IRF2: variants seen among roughly 807,000 people sequenced by gnomAD.
IRF2 encodes the protein interferon regulatory factor 2.
A neutral mutation model predicts 40.6 loss-of-function variants in IRF2; 15 were observed. That is an observed-to-expected ratio of 0.37 (90% confidence interval 0.25 to 0.57). IRF2 has a LOEUF of 0.57. Ranked by LOEUF, IRF2 falls within the 20% of genes least tolerant of loss-of-function variation. The probability of loss-of-function intolerance (pLI) is 0.77; values close to 1 mark genes in which losing one functional copy is unlikely to be tolerated. For missense variants in IRF2, 317 were observed against 455.7 expected, an observed-to-expected ratio of 0.70 and a Z score of 2.77; for synonymous variants, 151 against 165.5, an observed-to-expected ratio of 0.91 and a Z score of 0.67.
intron 6 of IRF2, among the ~76,000 whole-genome samples, chr4:184,402,833 T>C (rs890801609): frequency 5.3e-5 from 8 of 152,166 alleles, no homozygotes; most frequent in Admixed American, 5.2e-4. Context: ...AAATGTTCTG[T>C]CTTGACTATG....
intron 2 of IRF2, among the ~76,000 whole-genome samples, chr4:184,428,480 T>C (rs969105939): frequency 6.6e-6 from 1 of 152,204 alleles, no homozygotes; most frequent in African/African-American, 2.4e-5. Flanking sequence ...GACTCCAGGC[T>C]GAGGCTACAG....
intron 1 of IRF2, among the ~76,000 whole-genome samples, chr4:184,458,713 G>A (rs1220099439): frequency 6.6e-6 from 1 of 152,092 alleles, no homozygotes; most frequent in African/African-American, 2.4e-5. Context: ...ATCCACACAT[G>A]ACCTTGCCAG....
chr4:184,445,196 C>T (rs577797015), intron 1 of IRF2, among the ~76,000 whole-genome samples: 17 of 152,150 alleles, frequency 1.1e-4, no homozygotes, highest in Non-Finnish European at 2.1e-4. Context: ...CTCTGGGGGG[C>T]GGGGGTGTGC....
chr4:184,461,728 G>T (rs1394080290), intron 1 of IRF2, among the ~76,000 whole-genome samples: 1 of 103,254 alleles, frequency 9.7e-6, no homozygotes, highest in Admixed American at 1.5e-4. Context: ...CTCCCAAACT[G>T]CGAGGACTTT....
chr4:184,406,298 T>A (rs6852485), intron 6 of IRF2, among the ~76,000 whole-genome samples: 42,237 of 150,752 alleles, frequency 0.28, 6,739 homozygotes, highest in South Asian at 0.42. Flanking sequence ...GGTGCCATCT[T>A]GGCTCACTGC....
chr4:184,395,410 C>T (rs555589074), intron 7 of IRF2, among the ~76,000 whole-genome samples: 411 of 4,170 alleles, frequency 0.099, 4 homozygotes, highest in African/African-American at 0.18. Flanking sequence ...GAGACTCCGT[C>T]TCAAAAAAAA....
intron 1 of IRF2, among the ~76,000 whole-genome samples, chr4:184,470,639 G>C (rs1283806616): frequency 1.4e-5 from 2 of 144,228 alleles, no homozygotes; most frequent in Admixed American, 7.4e-5. Context: ...GCGGTGAGCT[G>C]AAAGTGTGCC....
In IRF2 at chr4:184,418,704, C is replaced by T; in HGVS notation, c.192G>A (p.Lys64=). Reference sequence around the variant, plus strand: ...CAGGTTTATCTACTCCTGGTTGATGCTTTCCTAACAAAAGAGACAAAGATT... The same window carrying T: ...CAGGTTTATCTACTCCTGGTTGATGTTTTCCTAACAAAAGAGACAAAGATT... ...LFRNWAIHTG[K]HQPGVDKPDP... Residue 64 remains lysine, a synonymous_variant, in exon 4 of 9, where the codon AAG becomes AAA. Coordinates refer to ENST00000393593, the MANE Select transcript of IRF2 (RefSeq NM_002199.4). 1.9e-6 allele frequency: 3 copies of T among 1,612,224 alleles called. No individual in the cohort carries two copies. The highest frequency in any genetic ancestry group is 2.5e-6 in the Non-Finnish European group (3 of 1,178,878).
intron 2 of IRF2, 166 bp downstream of exon 2, chr4:184,428,812 G>T: frequency 1.5e-6 from 1 of 655,586 alleles, no homozygotes. Flanking sequence ...AAGAAAAAAA[G>T]CCTTTGAGAT....
chr4:184,459,798 C>T (rs946515540), intron 1 of IRF2, among the ~76,000 whole-genome samples: 3 of 152,174 alleles, frequency 2.0e-5, no homozygotes, highest in African/African-American at 4.8e-5. Flanking sequence ...TCAAAACCAT[C>T]GTGAGCTACC....
chr4:184,445,215 C>T (rs1378481497), intron 1 of IRF2, among the ~76,000 whole-genome samples: 3 of 152,200 alleles, frequency 2.0e-5, no homozygotes, highest in African/African-American at 4.8e-5. Flanking sequence ...GCCCCAACCC[C>T]GGGTTGGCAC....
intron 1 of IRF2, among the ~76,000 whole-genome samples, chr4:184,439,861 CCTGT>C (rs1476506373): frequency 2.6e-5 from 4 of 152,172 alleles, no homozygotes; most frequent in Non-Finnish European, 4.4e-5. Flanking sequence ...ACAAAAGTCA[CCTGT>C]CTATCACTGG....
At position 184,418,205 on chromosome 4, in the gene IRF2, G is replaced by T. The variant is rs1261729441; in HGVS notation, c.373C>A (p.Pro125Thr). The change falls in exon 5 of 9, where the codon CCA becomes ACA. Residue 125 changes from proline (P) to threonine (T), a missense_variant. Pro to Thr is a conservative substitution (Grantham distance 38). Around this residue, in one of 2 missense-constraint regions of IRF2, gnomAD observed 262 missense variants for 334.0 expected, o/e 0.78. Transcript: ENST00000393593. ...ACTTTGTCTTCTTTTTCTGTCTTTG[G>T]TTTCTTTCCTGTGGCAACAAAAATG... Reference protein sequence around the residue: ...SERPSKKGKKPKTEKEDKVKH... With the variant: ...SERPSKKGKKTKTEKEDKVKH... 6.2e-7 allele frequency: 1 copy of T among 1,613,424 alleles called. No individual in the cohort carries two copies. Among genetic ancestry groups the T allele is most frequent in the Admixed American group, 1.7e-5 (1 of 60,018 alleles).
chr4:184,407,067 AAC>A (rs1239796403), intron 6 of IRF2: 2 of 542,856 alleles, frequency 3.7e-6, no homozygotes, highest in Non-Finnish European at 6.1e-6. Flanking sequence ...TTTATCAAGA[AAC>A]ACAACAGGGT....
At chr4:184,423,903 T>C (rs1737571140) in intron 2 of IRF2, among the ~76,000 whole-genome samples, 1 of 152,242 alleles carries the variant, frequency 6.6e-6, no homozygotes, top group Admixed American at 6.5e-5. Flanking sequence ...TATTTGGGAA[T>C]ACTCAAGGCA....
chr4:184,460,680 T>TGCACAC (rs1739108966), intron 1 of IRF2, among the ~76,000 whole-genome samples: 1 of 103,340 alleles, frequency 9.7e-6, no homozygotes, highest in African/African-American at 3.1e-5. Flanking sequence ...CACACACACA[T>TGCACAC]GCACGCACAC....
Position 184,388,574 on chromosome 4 carries a change from G to A in IRF2, c.*184C>T. The A allele has an allele frequency of 1.7e-6, 1 of 605,492 alleles. No homozygotes were observed. Among genetic ancestry groups the A allele is most frequent in the Middle Eastern group, 4.5e-4 (1 of 2,246 alleles). The allele number at this position is 605,492 out of a possible 1,614,324, so 37.5% of individuals were successfully genotyped here. On this transcript the variant is annotated 3_prime_UTR_variant, in exon 9 of 9. Coordinates refer to ENST00000393593, the MANE Select transcript of IRF2 (RefSeq NM_002199.4). This position sits in a 1 kb window ranked among gnomAD's most constrained non-coding sequence, Gnocchi z 4.6. Reference sequence around the variant, plus strand: ...TCTAGAAACACACGTCTACCAATGGGCTGGAGTCCTGAGTTAAAGAGAAGC... The same window carrying A: ...TCTAGAAACACACGTCTACCAATGGACTGGAGTCCTGAGTTAAAGAGAAGC...
chr4:184,419,570 T>TAAAAAA lies in IRF2; in HGVS notation c.88-3_88-2insTTTTTT. 1.2e-6 allele frequency: 1 copy of TAAAAAA among 820,050 alleles called. No homozygotes were observed. Among genetic ancestry groups the TAAAAAA allele is most frequent in the Non-Finnish European group, 1.7e-6 (1 of 573,464 alleles). The allele number at this position is 820,050 out of a possible 1,614,324, so 50.8% of individuals were successfully genotyped here. On this transcript the variant is annotated splice_polypyrimidine_tract_variant and splice_region_variant and intron_variant, in intron 2 of 8. Transcript: ENST00000393593. ...GGGGATCTGAAAAATCTTCTTTTCC[T>TAAAAAA]GAAAAAAAAAAAAAAAAAAAAGGTA...
intron 4 of IRF2, 61 bp downstream of exon 4, chr4:184,418,471 G>T: frequency 6.8e-7 from 1 of 1,460,230 alleles, no homozygotes; most frequent in Non-Finnish European, 9.6e-7. Flanking sequence ...GAAATGAAGA[G>T]ATCACGAAGG....
Sources: gnomAD v4.1 joint callset for allele counts (sites outside exome capture counted in the v4.1 genomes callset) on GRCh38, gnomAD v4.1.1 for gene constraint, gnomAD v4.1.1 regional missense constraint, Gnocchi (gnomAD v3.1) non-coding constraint, MANE v1.5 for transcripts, NCBI Gene and HGNC (gene_info 2026-07-23, HGNC 2026-07-21) for gene names.